The following CTNNA3 variants were observed in gnomAD, a reference collection of about 807,000 sequenced individuals.
The protein encoded by CTNNA3 is catenin alpha 3, also known as catenin alpha-3.
CTNNA3 carries 76 observed loss-of-function variants against 95.7 expected under a neutral mutation model. The observed-to-expected ratio is 0.79, with a 90% CI of 0.66 to 0.96. CTNNA3 has a LOEUF of 0.96. CTNNA3 is among the 40% of genes least tolerant of loss of function. The pLI is 0.00. For synonymous variants in CTNNA3, 431 were observed against 374.4 expected, an observed-to-expected ratio of 1.15 and a Z score of -1.74; for missense variants, 1,191 against 1,089.8, an observed-to-expected ratio of 1.09 and a Z score of -1.31.
intron 13 of CTNNA3, among the ~76,000 whole-genome samples, chr10:66,225,064 C>T (rs1364541115): frequency 6.6e-6 from 1 of 151,894 alleles, no homozygotes; most frequent in Non-Finnish European, 1.5e-5. Context: ...TTTCTTCTAG[C>T]TATTTGAAAA....
chr10:66,677,521 C>A (rs1475933295), intron 9 of CTNNA3, among the ~76,000 whole-genome samples: 2 of 152,132 alleles, frequency 1.3e-5, no homozygotes, highest in East Asian at 1.9e-4. Flanking sequence ...CCCATAATTC[C>A]CACATGTCAT....
At chr10:66,949,250 C>T (rs898903222) in intron 7 of CTNNA3, among the ~76,000 whole-genome samples, 7 of 151,978 alleles carry the variant, frequency 4.6e-5, no homozygotes, top group African/African-American at 1.7e-4. Context: ...TGATAAACAT[C>T]CCCTTTAAAA....
chr10:66,186,401 T>C (rs545211547), intron 13 of CTNNA3, among the ~76,000 whole-genome samples: 1 of 152,158 alleles, frequency 6.6e-6, no homozygotes, highest in South Asian at 2.1e-4. Flanking sequence ...GTCAGTGTTA[T>C]AATTTAAGTC....
intron 11 of CTNNA3, among the ~76,000 whole-genome samples, chr10:66,494,258 A>T (rs1003574899): frequency 6.6e-6 from 1 of 152,188 alleles, no homozygotes; most frequent in Non-Finnish European, 1.5e-5. Flanking sequence ...ACCTGAAGAC[A>T]TAATTTGTTG....
chr10:67,708,216 T>C (rs1490152921), intron 1 of CTNNA3, among the ~76,000 whole-genome samples: 1 of 152,190 alleles, frequency 6.6e-6, no homozygotes, highest in African/African-American at 2.4e-5. Flanking sequence ...ATCTTGCTGT[T>C]AGTCAATAAC....
intron 10 of CTNNA3, among the ~76,000 whole-genome samples, chr10:66,535,572 C>T (rs919952218): frequency 6.6e-6 from 1 of 152,156 alleles, no homozygotes; most frequent in East Asian, 1.9e-4. Flanking sequence ...GAGCTAATGT[C>T]ATTCTATGTA....
At chr10:66,777,903 C>G (rs531746319) in intron 7 of CTNNA3, among the ~76,000 whole-genome samples, 1 of 151,918 alleles carries the variant, frequency 6.6e-6, no homozygotes, top group East Asian at 1.9e-4. Flanking sequence ...ATCAGAACAA[C>G]TAAAAAATGT....
chr10:66,680,438 G>C (rs1311966039), intron 9 of CTNNA3, among the ~76,000 whole-genome samples: 5 of 152,072 alleles, frequency 3.3e-5, no homozygotes, highest in African/African-American at 9.7e-5. Context: ...GAAGAGTAGA[G>C]GAAAGGCAAT....
intron 7 of CTNNA3, among the ~76,000 whole-genome samples, chr10:67,166,713 T>C (rs1861783619): frequency 2.6e-5 from 4 of 152,248 alleles, no homozygotes; most frequent in Admixed American, 2.6e-4. Context: ...TCAGATCCTT[T>C]ATGTTCTTCT....
At chr10:67,594,725 A>C (rs1842887111) in intron 3 of CTNNA3, among the ~76,000 whole-genome samples, 1 of 151,240 alleles carries the variant, frequency 6.6e-6, no homozygotes, top group Admixed American at 6.6e-5. Context: ...TTGATTTTTT[A>C]TTTTTTAAAA....
chr10:66,852,003 C>T (rs1332319077), intron 7 of CTNNA3, among the ~76,000 whole-genome samples: 1 of 152,040 alleles, frequency 6.6e-6, no homozygotes, highest in Non-Finnish European at 1.5e-5. Flanking sequence ...TATGGCTTGA[C>T]AACTGGCTGA....
intron 11 of CTNNA3, among the ~76,000 whole-genome samples, chr10:66,501,817 T>C (rs760770656): frequency 2.6e-5 from 4 of 152,164 alleles, no homozygotes; most frequent in Non-Finnish European, 5.9e-5. Context: ...ATGTCTGTCA[T>C]GCAGATTTGC....
intron 7 of CTNNA3, chr10:67,097,958 T>C: frequency 1.5e-6 from 1 of 646,480 alleles, no homozygotes; most frequent in Non-Finnish European, 2.7e-6. Context: ...AAAGAAGACA[T>C]GAATTGTTTT....
chr10:67,717,701 C>T (rs1034454406), intron 1 of CTNNA3, among the ~76,000 whole-genome samples: 40 of 151,986 alleles, frequency 2.6e-4, no homozygotes, highest in African/African-American at 9.2e-4. Context: ...ACCAGTACCA[C>T]GTTGCTTTGG....
chr10:67,253,696 G>A (rs1866206044), intron 5 of CTNNA3, among the ~76,000 whole-genome samples: 1 of 152,178 alleles, frequency 6.6e-6, no homozygotes, highest in African/African-American at 2.4e-5. Flanking sequence ...ATGGGAGATT[G>A]TAGCTGTTCC....
chr10:66,649,944 C>A (rs1271460242), intron 9 of CTNNA3, among the ~76,000 whole-genome samples: 28 of 152,234 alleles, frequency 1.8e-4, no homozygotes, highest in Admixed American at 1.8e-3. Flanking sequence ...GAAGCTAAAA[C>A]ATCCCATGCA....
intron 9 of CTNNA3, among the ~76,000 whole-genome samples, chr10:66,745,752 G>A (rs930530684): frequency 8.6e-5 from 10 of 116,338 alleles, no homozygotes; most frequent in Admixed American, 2.0e-4. Flanking sequence ...ACCACACCTC[G>A]CTATTTTTTT....
Position 66,483,366 on chromosome 10 carries a change from C to CTT in CTNNA3, c.1531+37249_1531+37250dup, listed in dbSNP as rs34940403. ...AGATGAAGTGGCCAAGAAAACTTGG[C>CTT]TTTTTTTTTATCATTATTATAGATG... is the stretch of plus-strand genomic sequence containing the variant. On this transcript the variant is annotated intron_variant, in intron 11 of 17. Transcript: ENST00000433211. Among the ~76,000 whole-genome samples the CTT allele has an allele frequency of 0.025, 3,766 of 150,870 alleles. 345 individuals are homozygous for CTT. The East Asian group carries it at 0.32, about 13-fold the overall frequency.
chr10:67,567,330 A>T (rs1228445161), intron 3 of CTNNA3, among the ~76,000 whole-genome samples: 1 of 152,084 alleles, frequency 6.6e-6, no homozygotes, highest in African/African-American at 2.4e-5. Flanking sequence ...TAAGTGAAAC[A>T]AGCCAGGGAC....
Sources: gnomAD v4.1 joint callset for allele counts (sites outside exome capture counted in the v4.1 genomes callset) on GRCh38, gnomAD v4.1.1 for gene constraint, MANE v1.5 for transcripts, NCBI Gene and HGNC (gene_info 2026-07-23, HGNC 2026-07-21) for gene names.